PRSS8: variants seen among roughly 807,000 people sequenced by gnomAD.
PRSS8 encodes the protein prostasin.
PRSS8 carries 11 observed loss-of-function variants against 26.7 expected under a neutral mutation model. The observed-to-expected ratio is 0.41, with a 90% CI of 0.26 to 0.68. The LOEUF (loss-of-function observed/expected upper bound fraction) is 0.68. Among genes scored for constraint, PRSS8 ranks in the 30% least tolerant of loss-of-function variants. PRSS8 has a pLI of 0.30. For synonymous variants in PRSS8, 183 were observed against 187.0 expected (o/e 0.98, Z 0.17); for missense variants, 362 against 443.5 (o/e 0.82, Z 1.65).
In PRSS8 at chr16:31,135,405, C is replaced by T. The variant is rs1242389432; in HGVS notation, c.85+9G>A. On this transcript the variant is annotated intron_variant, in intron 1 of 5. Transcript: ENST00000317508. ...ATTGTCCCCACCCTGCCCCCACGTC[C>T]TCACTTACCTGTCCCCGACCGGAGT... 1 of 1,590,656 alleles carries T rather than the reference C, an allele frequency of 6.3e-7. No individual in the cohort carries two copies. Among genetic ancestry groups the T allele is most frequent in the Non-Finnish European group, 8.6e-7 (1 of 1,169,122 alleles).
At position 31,133,149 on chromosome 16, in the gene PRSS8, A is replaced by G. The variant is rs2057590009; in HGVS notation, c.266+77T>C. 1.3e-5 allele frequency: 21 copies of G among 1,605,824 alleles called. No homozygotes were observed. Among genetic ancestry groups the G allele is most frequent in the Non-Finnish European group, 1.8e-5 (21 of 1,177,166 alleles). Reference sequence around the variant, plus strand: ...GAACTGACACTCTCAGACCCAACCCAAGAACCCCAACCTCTGACCTGGATT... The same window carrying G: ...GAACTGACACTCTCAGACCCAACCCGAGAACCCCAACCTCTGACCTGGATT... On this transcript the variant is annotated intron_variant, in intron 3 of 5. Coordinates refer to ENST00000317508, the MANE Select transcript of PRSS8 (RefSeq NM_002773.5). The surrounding 1 kb of genome is among the most constrained non-coding windows in gnomAD (Gnocchi z 4.7).
At position 31,135,689 on chromosome 16, in the gene PRSS8, T is replaced by C. The variant is rs1205373623; in HGVS notation, c.-191A>G. ...GCCGCAACGGGAGACGCCTGGAGTATCCGAAGCGAGCAGTGTGGACGAGTC... is the reference window on the plus strand; with the variant it reads ...GCCGCAACGGGAGACGCCTGGAGTACCCGAAGCGAGCAGTGTGGACGAGTC... On this transcript the variant is annotated 5_prime_UTR_variant, in exon 1 of 6. Coordinates refer to ENST00000317508, the MANE Select transcript of PRSS8 (RefSeq NM_002773.5). 1 of 584,468 alleles carries C rather than the reference T, an allele frequency of 1.7e-6. No individual in the cohort carries two copies. The highest frequency in any genetic ancestry group is 1.9e-5 in the African/African-American group (1 of 53,392). 36.2% of individuals were successfully genotyped at this position (584,468 alleles called of 1,614,324 possible).
In PRSS8 at chr16:31,132,145, G is replaced by C; in HGVS notation, c.896C>G (p.Ser299Cys). ...GCCACAGAGGTTGCTGTCGGGCTGGGACTCCTGGGTTTGGGGCACCACACG... is the reference window on the plus strand; with the variant it reads ...GCCACAGAGGTTGCTGTCGGGCTGGCACTCCTGGGTTTGGGGCACCACACG... ...QPRVVPQTQESQPDSNLCGSH... is the reference protein window; with the variant it reads ...QPRVVPQTQECQPDSNLCGSH... The change falls in exon 6 of 6, where the codon TCC becomes TGC. Residue 299 changes from serine (S) to cysteine (C), a missense_variant. Transcript: ENST00000317508. This position sits in a 1 kb window ranked among gnomAD's most constrained non-coding sequence, Gnocchi z 5.2. 6.2e-7 allele frequency: 1 copy of C among 1,613,828 alleles called. No individual in the cohort carries two copies. Among genetic ancestry groups the C allele is most frequent in the Non-Finnish European group, 8.5e-7 (1 of 1,179,832 alleles).
chr16:31,132,186 C>T lies in PRSS8; in HGVS notation c.855G>A (p.Val285=). The change falls in exon 6 of 6, where the codon GTG becomes GTA. Residue 285 remains valine (V), a synonymous_variant. Coordinates refer to ENST00000317508, the MANE Select transcript of PRSS8 (RefSeq NM_002773.5). This position sits in a 1 kb window ranked among gnomAD's most constrained non-coding sequence, Gnocchi z 5.2. ...SSYASWIQSK[V]TELQPRVVPQ... ...GCACCACACGAGGCTGGAGTTCTGT[C>T]ACCTTGCTTTGGATCCAGGAGGCAT... 6.2e-7 allele frequency: 1 copy of T among 1,613,940 alleles called. No individual in the cohort carries two copies. Among genetic ancestry groups the T allele is most frequent in the Non-Finnish European group, 8.5e-7 (1 of 1,179,876 alleles).
At position 31,133,334 on chromosome 16, in the gene PRSS8, G is replaced by A. The variant is rs1277688513; in HGVS notation, c.158C>T (p.Ala53Val). ...ARITGGSSAV[A>V]GQWPWQVSIT... Reference sequence around the variant, plus strand: ...GCTGACCTGCCAGGGCCACTGACCGGCGACTGCACTGCTGCCACCTGTGAT... The same window carrying A: ...GCTGACCTGCCAGGGCCACTGACCGACGACTGCACTGCTGCCACCTGTGAT... The change falls in exon 3 of 6, where the codon GCC becomes GTC. Residue 53 changes from alanine to valine, a missense_variant. Physicochemically the swap from Ala to Val is moderately conservative, Grantham distance 64. Coordinates refer to ENST00000317508, the MANE Select transcript of PRSS8 (RefSeq NM_002773.5). This position sits in a 1 kb window ranked among gnomAD's most constrained non-coding sequence, Gnocchi z 4.7. The A allele has an allele frequency of 6.2e-7, 1 of 1,613,988 alleles. No homozygotes were observed. Among genetic ancestry groups the A allele is most frequent in the South Asian group, 1.1e-5 (1 of 91,082 alleles).
Position 31,133,030 on chromosome 16 carries a change from C to A in PRSS8, c.267-77G>T. 1 of 1,581,978 alleles carries A rather than the reference C, an allele frequency of 6.3e-7. No individual in the cohort carries two copies. Among genetic ancestry groups the A allele is most frequent in the South Asian group, 1.1e-5 (1 of 87,376 alleles). On this transcript the variant is annotated intron_variant, in intron 3 of 5. Coordinates refer to ENST00000317508, the MANE Select transcript of PRSS8 (RefSeq NM_002773.5). This position sits in a 1 kb window ranked among gnomAD's most constrained non-coding sequence, Gnocchi z 4.7. ...AACCCCCACTGCCAACCCCTGATTCCGATCAGCCCCTTTTAGGTCTCAAAT... is the reference window on the plus strand; with the variant it reads ...AACCCCCACTGCCAACCCCTGATTCAGATCAGCCCCTTTTAGGTCTCAAAT...
At position 31,133,435 on chromosome 16, in the gene PRSS8, C is replaced by G. The variant is rs1327643327; in HGVS notation, c.104-47G>C. 6.2e-7 allele frequency: 1 copy of G among 1,604,050 alleles called. No homozygotes were observed. The highest frequency in any genetic ancestry group is 8.5e-7 in the Non-Finnish European group (1 of 1,176,814). ...GGGTCAGGTTGTTAGCCTGGCCACT[C>G]CTATGCAGCCCAGGAGCTCTGATAT... On this transcript the variant is annotated intron_variant, in intron 2 of 5. Coordinates refer to ENST00000317508, the MANE Select transcript of PRSS8 (RefSeq NM_002773.5). This position sits in a 1 kb window ranked among gnomAD's most constrained non-coding sequence, Gnocchi z 4.7.
At chr16:31,135,226 C>G in intron 1 of PRSS8, 55 bp from the exon 2 acceptor site, 1 of 1,610,738 alleles carries the variant, frequency 6.2e-7, no homozygotes, top group Non-Finnish European at 8.5e-7. Flanking sequence ...GTTCCCTGAC[C>G]CCTTAGTACC....
chr16:31,132,830 G>C lies in PRSS8; in HGVS notation c.390C>G (p.Gly130=). The C allele has an allele frequency of 6.2e-7, 1 of 1,613,936 alleles. No homozygotes were observed. The highest frequency in any genetic ancestry group is 8.5e-7 in the Non-Finnish European group (1 of 1,179,866). Residue 130 remains glycine, a synonymous_variant, in exon 4 of 6, where the codon GGC becomes GGG. Coordinates refer to ENST00000317508, the MANE Select transcript of PRSS8 (RefSeq NM_002773.5). The surrounding 1 kb of genome is among the most constrained non-coding windows in gnomAD (Gnocchi z 5.2). ...GGAGGAGTGCAATGTCGCCCTGGGAGCCCTCCTGGAGGTAGCTGGGGTGGG... is the reference window on the plus strand; with the variant it reads ...GGAGGAGTGCAATGTCGCCCTGGGACCCCTCCTGGAGGTAGCTGGGGTGGG... ...IIPHPSYLQE[G]SQGDIALLQL...
rs1567438558 is a variant in PRSS8, at chr16:31,131,887, G to A, written c.*122C>T. ...GCTCAAAGATCAAGATGGGGCCCCAGCCTCCCGCAGAGTCCTGAAGGAAGG... is the reference window on the plus strand; with the variant it reads ...GCTCAAAGATCAAGATGGGGCCCCAACCTCCCGCAGAGTCCTGAAGGAAGG... On this transcript the variant is annotated 3_prime_UTR_variant, in exon 6 of 6. Transcript: ENST00000317508. 8.5e-6 allele frequency: 10 copies of A among 1,178,420 alleles called. No homozygotes were observed. The highest frequency in any genetic ancestry group is 5.9e-4 in the Middle Eastern group (2 of 3,414). The allele number at this position is 1,178,420 out of a possible 1,614,324, so 73.0% of individuals were successfully genotyped here.
intron 1 of PRSS8, 71 bp from the exon 2 acceptor site, chr16:31,135,242 C>T (rs776083057): frequency 6.2e-7 from 1 of 1,608,016 alleles, no homozygotes; most frequent in South Asian, 1.1e-5. Flanking sequence ...GTACCCACCA[C>T]TGCTCCAGAG....
In PRSS8 at chr16:31,133,387, A is replaced by G; in HGVS notation, c.105T>C (p.Ala35=). 6.2e-7 allele frequency: 1 copy of G among 1,613,722 alleles called. No individual in the cohort carries two copies. ...RSGTGAEGAE[A]PCGVAPQARI... ...GTGCTTGGGGGGCCACACCGCAGGGAGCTGCCCAGGGAGGAAGGGAAGGGG... is the reference window on the plus strand; with the variant it reads ...GTGCTTGGGGGGCCACACCGCAGGGGGCTGCCCAGGGAGGAAGGGAAGGGG... The change falls in exon 3 of 6, where the codon GCT becomes GCC. Residue 35 remains alanine (A), a splice_region_variant and synonymous_variant. Coordinates refer to ENST00000317508, the MANE Select transcript of PRSS8 (RefSeq NM_002773.5). The surrounding 1 kb of genome is among the most constrained non-coding windows in gnomAD (Gnocchi z 4.7).
In PRSS8 at chr16:31,133,459, A is replaced by G. The variant is rs942220632; in HGVS notation, c.104-71T>C. 4.5e-6 allele frequency: 7 copies of G among 1,567,784 alleles called. No homozygotes were observed. Among genetic ancestry groups the G allele is most frequent in the Non-Finnish European group, 6.1e-6 (7 of 1,156,180 alleles). On this transcript the variant is annotated intron_variant, in intron 2 of 5. Coordinates refer to ENST00000317508, the MANE Select transcript of PRSS8 (RefSeq NM_002773.5). The surrounding 1 kb of genome is among the most constrained non-coding windows in gnomAD (Gnocchi z 4.7). The stretch of plus-strand genomic sequence containing the variant: ...TCCTATGCAGCCCAGGAGCTCTGAT[A>G]TAGAGCTTGGGAAGTGGGTTCACAG...
chr16:31,131,883 C>T lies in PRSS8; in HGVS notation c.*126G>A, dbSNP rs1314802800. On this transcript the variant is annotated 3_prime_UTR_variant, in exon 6 of 6. Transcript: ENST00000317508. ...ATGGGCTCAAAGATCAAGATGGGGC[C>T]CCAGCCTCCCGCAGAGTCCTGAAGG... 6.0e-6 allele frequency: 7 copies of T among 1,167,004 alleles called. No individual in the cohort carries two copies. The South Asian group carries it at 1.2e-4, about 20-fold the overall frequency. 72.3% of individuals were successfully genotyped at this position (1,167,004 alleles called of 1,614,324 possible). A position where few individuals can be genotyped will look rare whatever the true frequency, so the allele number is the denominator to read the frequency against.
In PRSS8 at chr16:31,131,451, A is replaced by G. The variant is rs1022550082; in HGVS notation, c.*558T>C. ...CGGCAAGTTGTGCTCAAACATTTTA[A>G]TCATTTCTGCCCTGTTACTCCCACC... is the stretch of plus-strand genomic sequence containing the variant. On this transcript the variant is annotated 3_prime_UTR_variant, in exon 6 of 6. Coordinates refer to ENST00000317508, the MANE Select transcript of PRSS8 (RefSeq NM_002773.5). 2.5e-5 allele frequency: 17 copies of G among 669,828 alleles called. 1 individual carries two copies. The South Asian group carries it at 3.0e-4, about 12-fold the overall frequency. 41.5% of individuals were successfully genotyped at this position (669,828 alleles called of 1,614,324 possible).
In PRSS8 at chr16:31,133,712, C is replaced by A. The variant is rs2057592572; in HGVS notation, c.104-324G>T. On this transcript the variant is annotated intron_variant, in intron 2 of 5. Coordinates refer to ENST00000317508, the MANE Select transcript of PRSS8 (RefSeq NM_002773.5). This position sits in a 1 kb window ranked among gnomAD's most constrained non-coding sequence, Gnocchi z 4.7. Reference sequence around the variant, plus strand: ...GTCCTTAAGATACATTCCAGACAGACCATGGCACCGCCATCGGACCCAGCC... The same window carrying A: ...GTCCTTAAGATACATTCCAGACAGAACATGGCACCGCCATCGGACCCAGCC... Among the ~76,000 whole-genome samples, 1 of 152,198 alleles carries A rather than the reference C, an allele frequency of 6.6e-6. No individual in the cohort carries two copies. Among genetic ancestry groups the A allele is most frequent in the Admixed American group, 6.5e-5 (1 of 15,282 alleles).
chr16:31,131,796 A>G lies in PRSS8; in HGVS notation c.*213T>C. ...GGGTGAGGGGCCAGAGGCTCTGGCC[A>G]TTGCTACAGGCAGTAAAACTCCTGA... On this transcript the variant is annotated 3_prime_UTR_variant, in exon 6 of 6. Coordinates refer to ENST00000317508, the MANE Select transcript of PRSS8 (RefSeq NM_002773.5). 1 of 571,234 alleles carries G rather than the reference A, an allele frequency of 1.8e-6. No individual in the cohort carries two copies. The allele number at this position is 571,234 out of a possible 1,614,324, so 35.4% of individuals were successfully genotyped here.
Position 31,132,877 on chromosome 16 carries a change from T to G in PRSS8, c.343A>C (p.Ser115Arg). The G allele has an allele frequency of 6.2e-7, 1 of 1,613,792 alleles. No individual in the cohort carries two copies. Residue 115 changes from serine (S) to arginine (R), a missense_variant, in exon 4 of 6, where the codon AGC becomes CGC. Physicochemically the swap from Ser to Arg is moderately radical, Grantham distance 110. Transcript: ENST00000317508. The surrounding 1 kb of genome is among the most constrained non-coding windows in gnomAD (Gnocchi z 5.2). The stretch of plus-strand genomic sequence containing the variant: ...TGGGGGATGATGTCCTTCAGGGTGC[T>G]GACCTTGGCGTCCTCGGAGTAGGAG... ...LDSYSEDAKV[S>R]TLKDIIPHPS...
rs763040127 is a variant in PRSS8, at chr16:31,132,159, G to C, written c.882C>G (p.Pro294=). The part of the protein sequence containing the change: ...KVTELQPRVV[P]QTQESQPDSN... Reference sequence around the variant, plus strand: ...TGTCGGGCTGGGACTCCTGGGTTTGGGGCACCACACGAGGCTGGAGTTCTG... The same window carrying C: ...TGTCGGGCTGGGACTCCTGGGTTTGCGGCACCACACGAGGCTGGAGTTCTG... Residue 294 remains proline, a synonymous_variant, in exon 6 of 6, where the codon CCC becomes CCG. Transcript: ENST00000317508. The surrounding 1 kb of genome is among the most constrained non-coding windows in gnomAD (Gnocchi z 5.2). The C allele has an allele frequency of 6.2e-7, 1 of 1,613,854 alleles. No homozygotes were observed. Among genetic ancestry groups the C allele is most frequent in the Non-Finnish European group, 8.5e-7 (1 of 1,179,836 alleles).
Sources: allele counts gnomAD v4.1 joint callset (sites outside exome capture counted in the v4.1 genomes callset), GRCh38; gene constraint gnomAD v4.1.1; non-coding constraint Gnocchi (gnomAD v3.1); transcripts MANE v1.5; gene names NCBI Gene and HGNC (gene_info 2026-07-23, HGNC 2026-07-21).